Variants in THSD7A observed in about 807,000 individuals in gnomAD.
THSD7A encodes thrombospondin type-1 domain-containing protein 7A.
THSD7A carries 96 observed loss-of-function variants against 231.3 expected under a neutral mutation model. The ratio of observed to expected loss-of-function variants is 0.41; its 90% CI spans 0.35 to 0.49. The LOEUF (loss-of-function observed/expected upper bound fraction) is 0.49. Among genes scored for constraint, THSD7A ranks in the 20% least tolerant of loss-of-function variants. The probability of loss-of-function intolerance (pLI) is 0.05; values close to 1 mark genes in which losing one functional copy is unlikely to be tolerated. For missense variants in THSD7A, 2,290 were observed against 2,070.2 expected (o/e 1.11, Z -2.06); for synonymous variants, 940 against 743.3 (o/e 1.26, Z -4.30).
chr7:11,756,045 C>G (rs1782663837), intron 1 of THSD7A, among the ~76,000 whole-genome samples: 1 of 152,038 alleles, frequency 6.6e-6, no homozygotes, highest in East Asian at 1.9e-4. Context: ...AGACACTTAT[C>G]TCATAGCAAC....
At chr7:11,705,946 T>C (rs1460340386) in intron 1 of THSD7A, among the ~76,000 whole-genome samples, 1 of 150,978 alleles carries the variant, frequency 6.6e-6, no homozygotes, top group Non-Finnish European at 1.5e-5. Context: ...GTTATAACAA[T>C]AATAAATTCA....
intron 1 of THSD7A, among the ~76,000 whole-genome samples, chr7:11,786,690 T>A (rs761143556): frequency 2.0e-5 from 3 of 150,246 alleles, no homozygotes; most frequent in Non-Finnish European, 4.4e-5. Context: ...CAAAAACTAC[T>A]GTAGTATGGG....
At position 11,616,132 on chromosome 7, in the gene THSD7A, A is replaced by G. The variant is rs560917128; in HGVS notation, c.1022+19998T>C. Among the ~76,000 whole-genome samples the G allele has an allele frequency of 4.6e-5, 7 of 152,230 alleles. No homozygotes were observed. The South Asian group carries it at 1.5e-3, about 32-fold the overall frequency. ...TGTTATATACTAAAGTTTTAAATAG[A>G]TAATATTTTCTAATCCCTTAATTTT... On this transcript the variant is annotated intron_variant, in intron 2 of 27. Coordinates refer to ENST00000423059, the MANE Select transcript of THSD7A (RefSeq NM_015204.3).
chr7:11,568,500 C>T (rs1206088494), intron 4 of THSD7A, among the ~76,000 whole-genome samples: 3 of 151,720 alleles, frequency 2.0e-5, no homozygotes, highest in Non-Finnish European at 4.4e-5. Context: ...TGGCAGGTGC[C>T]TGTAGTCCCA....
chr7:11,829,648 C>T lies in THSD7A; in HGVS notation c.190+2109G>A, dbSNP rs138804547. 6.6e-4 allele frequency among the ~76,000 whole-genome samples: 100 copies of T among 152,162 alleles called. 1 individual carries two copies. In the East Asian group the frequency reaches 0.019, roughly 28 times the overall value. Reference sequence around the variant, plus strand: ...CTTTTCTCTTCCAATTCCCTTCTTGCCTCTTTATTTTCATCAAGTGATACA... The same window carrying T: ...CTTTTCTCTTCCAATTCCCTTCTTGTCTCTTTATTTTCATCAAGTGATACA... On this transcript the variant is annotated intron_variant, in intron 1 of 27. Transcript: ENST00000423059.
chr7:11,664,361 A>G (rs555148018), intron 1 of THSD7A, among the ~76,000 whole-genome samples: 1 of 151,944 alleles, frequency 6.6e-6, no homozygotes, highest in South Asian at 2.1e-4. Flanking sequence ...TACTTACTAT[A>G]CTTCTTTGGT....
intron 1 of THSD7A, among the ~76,000 whole-genome samples, chr7:11,706,515 C>T (rs1436824159): frequency 2.0e-5 from 3 of 150,174 alleles, no homozygotes; most frequent in Non-Finnish European, 4.5e-5. Context: ...AGGCAAGACA[C>T]GTGTGTTTGT....
intron 2 of THSD7A, among the ~76,000 whole-genome samples, chr7:11,611,195 A>G (rs1314969337): frequency 1.3e-5 from 2 of 152,148 alleles, no homozygotes; most frequent in Non-Finnish European, 2.9e-5. Flanking sequence ...AGTGTTAGAG[A>G]AGATCTAACT....
chr7:11,424,938 C>T (rs1204604798), intron 15 of THSD7A, 109 bp from the exon 16 acceptor site: 15 of 1,298,338 alleles, frequency 1.2e-5, no homozygotes, highest in Non-Finnish European at 1.6e-5. Context: ...TTTCACTCCC[C>T]TCCTTTACTG....
intron 6 of THSD7A, among the ~76,000 whole-genome samples, chr7:11,537,742 C>T (rs62432833): frequency 1.3e-3 from 204 of 152,274 alleles, no homozygotes; most frequent in Middle Eastern, 3.4e-3. Context: ...CACAAATAGC[C>T]GAACACAGTC....
intron 24 of THSD7A, among the ~76,000 whole-genome samples, chr7:11,379,979 A>G (rs1227063973): frequency 2.0e-5 from 3 of 152,312 alleles, no homozygotes; most frequent in African/African-American, 7.2e-5. Context: ...TATAGCTGCT[A>G]TTTTGAAAAT....
intron 1 of THSD7A, among the ~76,000 whole-genome samples, chr7:11,775,210 G>C (rs1470543044): frequency 4.6e-5 from 7 of 152,172 alleles, no homozygotes; most frequent in African/African-American, 1.7e-4. Flanking sequence ...GTGTTAATAA[G>C]GATGTGAGGA....
intron 1 of THSD7A, among the ~76,000 whole-genome samples, chr7:11,672,732 G>C (rs566856907): frequency 9.2e-5 from 14 of 152,128 alleles, no homozygotes; most frequent in Middle Eastern, 3.4e-3. Context: ...GTGCTTTATG[G>C]AGCCAGGCTG....
At chr7:11,682,978 T>A (rs1001074702) in intron 1 of THSD7A, among the ~76,000 whole-genome samples, 1 of 151,622 alleles carries the variant, frequency 6.6e-6, no homozygotes, top group Non-Finnish European at 1.5e-5. Context: ...CAAATATTAG[T>A]TGGCACGGTG....
chr7:11,545,329 G>T (rs922415710), intron 4 of THSD7A, among the ~76,000 whole-genome samples: 4 of 151,962 alleles, frequency 2.6e-5, no homozygotes, highest in African/African-American at 9.7e-5. Flanking sequence ...AAAATTTACT[G>T]GGTATGAAAT....
At position 11,577,619 on chromosome 7, in the gene THSD7A, T is replaced by C. The variant is rs566614373; in HGVS notation, c.1453+12841A>G. Among the ~76,000 whole-genome samples the C allele has an allele frequency of 1.4e-4, 21 of 151,356 alleles. No homozygotes were observed. The South Asian group carries it at 4.2e-3, about 30-fold the overall frequency. On this transcript the variant is annotated intron_variant, in intron 4 of 27. Coordinates refer to ENST00000423059, the MANE Select transcript of THSD7A (RefSeq NM_015204.3). ...GGTGTGAGCCACCATGGCTGGCCTC[T>C]AAACCCTATGTTTTTATGTATCTAG...
In THSD7A at chr7:11,469,873, C is replaced by T. The variant is rs767971049; in HGVS notation, c.2368+6G>A. ...TGAACAGCCTTCCTAACTCTGCAGA[C>T]CATACCTTCTTTACACGAAGAGGGG... On this transcript the variant is annotated splice_donor_region_variant and intron_variant, in intron 9 of 27. Coordinates refer to ENST00000423059, the MANE Select transcript of THSD7A (RefSeq NM_015204.3). 3 of 1,572,422 alleles carry T rather than the reference C, an allele frequency of 1.9e-6. No individual in the cohort carries two copies. Among genetic ancestry groups the T allele is most frequent in the African/African-American group, 2.7e-5 (2 of 74,340 alleles).
At chr7:11,454,308 T>C (rs2107140) in intron 11 of THSD7A, among the ~76,000 whole-genome samples, 52,404 of 151,670 alleles carry the variant, frequency 0.35, 9,613 homozygotes, top group Middle Eastern at 0.48. Context: ...TATGCCATTA[T>C]ACAAAATTTC....
chr7:11,632,473 T>G lies in THSD7A; in HGVS notation c.1022+3657A>C, dbSNP rs1781688445. Among the ~76,000 whole-genome samples the G allele has an allele frequency of 6.6e-6, 1 of 152,228 alleles. No individual in the cohort carries two copies. Among genetic ancestry groups the G allele is most frequent in the Admixed American group, 6.5e-5 (1 of 15,276 alleles). Reference sequence around the variant, plus strand: ...ACCTTATTGATTTTTTTATTGTTTATATTTTCAATTGATTAGCTGGAGTAT... The same window carrying G: ...ACCTTATTGATTTTTTTATTGTTTAGATTTTCAATTGATTAGCTGGAGTAT... On this transcript the variant is annotated intron_variant, in intron 2 of 27. Coordinates refer to ENST00000423059, the MANE Select transcript of THSD7A (RefSeq NM_015204.3). This position sits in a 1 kb window ranked among gnomAD's most constrained non-coding sequence, Gnocchi z 4.1.
Sources: allele counts gnomAD v4.1 joint callset (sites outside exome capture counted in the v4.1 genomes callset), GRCh38; gene constraint gnomAD v4.1.1; non-coding constraint Gnocchi (gnomAD v3.1); transcripts MANE v1.5; gene names NCBI Gene and HGNC (gene_info 2026-07-23, HGNC 2026-07-21).